QTMAN: variants seen among roughly 807,000 people sequenced by gnomAD.
QTMAN encodes tRNA-queuosine alpha-mannosyltransferase.
chr2:144,080,129 T>C, the QTMAN span, among the ~76,000 whole-genome samples: 3 of 152,082 alleles, frequency 2.0e-5, no homozygotes, highest in East Asian at 5.8e-4. Context: ...TCTGTCTAGT[T>C]TACATTCCCA....
chr2:144,005,309 G>A, the QTMAN span, among the ~76,000 whole-genome samples: 3 of 151,810 alleles, frequency 2.0e-5, no homozygotes, highest in South Asian at 2.1e-4. Context: ...AACAAATATC[G>A]AATGTCAACA....
the QTMAN span, among the ~76,000 whole-genome samples, chr2:144,167,322 C>G: frequency 2.0e-5 from 3 of 151,904 alleles, no homozygotes; most frequent in African/African-American, 4.8e-5. Context: ...ATGTAGATCT[C>G]CAGCTTCTAT....
At chr2:144,151,720 T>C in the QTMAN span, among the ~76,000 whole-genome samples, 1 of 152,210 alleles carries the variant, frequency 6.6e-6, no homozygotes, top group African/African-American at 2.4e-5. Flanking sequence ...AAATGAAAAT[T>C]ACTCCCAAGC....
At chr2:144,183,778 T>G in the QTMAN span, among the ~76,000 whole-genome samples, 83 of 152,332 alleles carry the variant, frequency 5.4e-4, no homozygotes, top group African/African-American at 1.9e-3. Flanking sequence ...TGAAGAATCC[T>G]TTTTTAACAG....
chr2:144,137,585 C>G, the QTMAN span, among the ~76,000 whole-genome samples: 1 of 152,194 alleles, frequency 6.6e-6, no homozygotes, highest in South Asian at 2.1e-4. Flanking sequence ...AAGTGGTGGG[C>G]TGAACACTGG....
chr2:144,113,348 A>G, the QTMAN span, among the ~76,000 whole-genome samples: 1 of 152,130 alleles, frequency 6.6e-6, no homozygotes. Context: ...AGAATGGAGG[A>G]GATAACAAAA....
At chr2:144,041,842 C>T in the QTMAN span, among the ~76,000 whole-genome samples, 1 of 152,112 alleles carries the variant, frequency 6.6e-6, no homozygotes, top group African/African-American at 2.4e-5. Context: ...AGGAAGGGCA[C>T]ATTTCAGGCA....
At chr2:144,190,576 T>C in the QTMAN span, among the ~76,000 whole-genome samples, 8 of 152,074 alleles carry the variant, frequency 5.3e-5, no homozygotes, top group Admixed American at 5.2e-4. Flanking sequence ...TTATAACATA[T>C]CAAACAACAA....
the QTMAN span, among the ~76,000 whole-genome samples, chr2:144,098,133 A>G: frequency 1.3e-5 from 2 of 152,212 alleles, no homozygotes; most frequent in African/African-American, 4.8e-5. Context: ...GAGTTTCTAC[A>G]CTGACCTTCA....
chr2:144,009,657 A>T, the QTMAN span, among the ~76,000 whole-genome samples: 1 of 152,156 alleles, frequency 6.6e-6, no homozygotes, highest in African/African-American at 2.4e-5. Context: ...TAACCCCTTA[A>T]ATATGCCCTA....
the QTMAN span, among the ~76,000 whole-genome samples, chr2:144,238,147 T>C: frequency 2.0e-5 from 3 of 152,146 alleles, no homozygotes; most frequent in African/African-American, 7.2e-5. Context: ...CTAAAAACAT[T>C]TCTCAGATGC....
chr2:144,054,028 A>T, the QTMAN span, among the ~76,000 whole-genome samples: 1 of 151,978 alleles, frequency 6.6e-6, no homozygotes, highest in Non-Finnish European at 1.5e-5. Flanking sequence ...TCTACTAAAA[A>T]ATACAAAAAA....
the QTMAN span, among the ~76,000 whole-genome samples, chr2:144,115,883 GA>G: frequency 6.6e-6 from 1 of 152,122 alleles, no homozygotes; most frequent in Non-Finnish European, 1.5e-5. Flanking sequence ...TCTTTCACTA[GA>G]GATGGCAGGG....
At chr2:144,229,295 G>A in the QTMAN span, among the ~76,000 whole-genome samples, 6 of 152,050 alleles carry the variant, frequency 3.9e-5, no homozygotes, top group Non-Finnish European at 8.8e-5. Flanking sequence ...CATCAACTCC[G>A]TACACTACAT....
At chr2:144,062,166 A>G in the QTMAN span, among the ~76,000 whole-genome samples, 1 of 152,208 alleles carries the variant, frequency 6.6e-6, no homozygotes, top group Non-Finnish European at 1.5e-5. Flanking sequence ...TGTTAGGACT[A>G]AAAGAGCACT....
At chr2:144,221,403 T>C in the QTMAN span, among the ~76,000 whole-genome samples, 3 of 152,204 alleles carry the variant, frequency 2.0e-5, no homozygotes, top group Non-Finnish European at 4.4e-5. Context: ...AATGAATATA[T>C]ATTGCCATGG....
At chr2:144,327,520 T>C in the QTMAN span, among the ~76,000 whole-genome samples, 3 of 152,150 alleles carry the variant, frequency 2.0e-5, no homozygotes, top group Non-Finnish European at 4.4e-5. Flanking sequence ...AAGCAAAGAA[T>C]CCAACAGCTG....
At chr2:144,284,911 C>G in the QTMAN span, among the ~76,000 whole-genome samples, 1 of 151,416 alleles carries the variant, frequency 6.6e-6, no homozygotes, top group Non-Finnish European at 1.5e-5. Flanking sequence ...CACCTATAAT[C>G]CCGGCACTTT....
chr2:143,991,041 T>C, the QTMAN span, among the ~76,000 whole-genome samples: 2 of 151,192 alleles, frequency 1.3e-5, no homozygotes, highest in South Asian at 2.1e-4. Flanking sequence ...AACTCAAAGA[T>C]AAACCTGAAA....
Sources: allele counts gnomAD v4.1 joint callset (sites outside exome capture counted in the v4.1 genomes callset), GRCh38; gene constraint gnomAD v4.1.1; transcripts MANE v1.5; gene names NCBI Gene and HGNC (gene_info 2026-07-23, HGNC 2026-07-21).